The following DPP10 variants were observed in gnomAD, a reference collection of about 807,000 sequenced individuals.
DPP10 encodes dipeptidyl peptidase like 10, also known as inactive dipeptidyl peptidase 10.
In DPP10, 33 loss-of-function variants were observed where a neutral mutation model predicts 120.9. The observed-to-expected ratio is 0.27, with a 90% CI of 0.21 to 0.37. DPP10 has a LOEUF of 0.37. Ranked by LOEUF, DPP10 falls within the 10% of genes least tolerant of loss-of-function variation. DPP10 has a pLI of 1.00. For missense variants in DPP10, 816 were observed against 942.8 expected, an observed-to-expected ratio of 0.87 and a Z score of 1.76; for synonymous variants, 337 against 326.1, an observed-to-expected ratio of 1.03 and a Z score of -0.36.
intron 1 of DPP10, among the ~76,000 whole-genome samples, chr2:114,800,939 A>T (rs77314504): frequency 2.1e-3 from 40 of 19,100 alleles, no homozygotes; most frequent in Non-Finnish European, 2.4e-3. Context: ...AATGGGAATT[A>T]AAAAAAAAAA....
chr2:115,652,286 T>TA (rs2087855040), intron 5 of DPP10, among the ~76,000 whole-genome samples: 1 of 151,868 alleles, frequency 6.6e-6, no homozygotes, highest in African/African-American at 2.4e-5. Flanking sequence ...AATTATTTGG[T>TA]AAATGAAGTG....
intron 1 of DPP10, among the ~76,000 whole-genome samples, chr2:114,710,273 C>T (rs1186526572): frequency 6.6e-6 from 1 of 152,222 alleles, no homozygotes; most frequent in Non-Finnish European, 1.5e-5. Flanking sequence ...GCAATAGAGA[C>T]AATGAACCTG....
chr2:114,545,413 A>T (rs1687312073), intron 1 of DPP10, among the ~76,000 whole-genome samples: 1 of 152,142 alleles, frequency 6.6e-6, no homozygotes, highest in Admixed American at 6.5e-5. Context: ...CTGGCTTCCT[A>T]GTTCCTTACC....
At chr2:114,790,858 C>T (rs987990887) in intron 1 of DPP10, among the ~76,000 whole-genome samples, 2 of 152,208 alleles carry the variant, frequency 1.3e-5, no homozygotes, top group African/African-American at 4.8e-5. Flanking sequence ...TACTTCAGGC[C>T]ATCTGGGCGA....
intron 1 of DPP10, among the ~76,000 whole-genome samples, chr2:114,648,318 T>C (rs1221813363): frequency 2.0e-5 from 3 of 152,206 alleles, no homozygotes; most frequent in African/African-American, 4.8e-5. Context: ...GCAGGTTAAC[T>C]TGTTGGCTAG....
At chr2:115,377,005 T>C (rs941879285) in intron 3 of DPP10, among the ~76,000 whole-genome samples, 1 of 150,372 alleles carries the variant, frequency 6.7e-6, no homozygotes, top group Non-Finnish European at 1.5e-5. Context: ...AATGCCACAA[T>C]AAACATACAT....
At chr2:115,457,942 A>T (rs1284977106) in intron 3 of DPP10, among the ~76,000 whole-genome samples, 1 of 152,146 alleles carries the variant, frequency 6.6e-6, no homozygotes, top group Non-Finnish European at 1.5e-5. Context: ...ATAAAAATGT[A>T]TATATATACA....
chr2:115,476,070 T>G (rs1438590203), intron 3 of DPP10, among the ~76,000 whole-genome samples: 1 of 152,066 alleles, frequency 6.6e-6, no homozygotes, highest in African/African-American at 2.4e-5. Flanking sequence ...TATTTTGAAA[T>G]GTAAGAGAGC....
intron 1 of DPP10, among the ~76,000 whole-genome samples, chr2:115,001,020 G>A (rs1052048956): frequency 6.6e-6 from 1 of 152,146 alleles, no homozygotes; most frequent in Non-Finnish European, 1.5e-5. Context: ...CAACATTTGT[G>A]AGCAAGAAAA....
At chr2:114,920,070 G>T (rs1038671047) in intron 1 of DPP10, among the ~76,000 whole-genome samples, 1 of 152,036 alleles carries the variant, frequency 6.6e-6, no homozygotes, top group Non-Finnish European at 1.5e-5. Flanking sequence ...AACAGTCTTT[G>T]GCCCCTCCAC....
intron 3 of DPP10, among the ~76,000 whole-genome samples, chr2:115,442,267 A>T (rs769121207): frequency 6.6e-6 from 1 of 152,044 alleles, no homozygotes; most frequent in Non-Finnish European, 1.5e-5. Flanking sequence ...AGAGGATCAG[A>T]ATCTAATTCC....
intron 1 of DPP10, among the ~76,000 whole-genome samples, chr2:114,941,824 A>G (rs1317709675): frequency 6.6e-6 from 1 of 152,130 alleles, no homozygotes; most frequent in Admixed American, 6.6e-5. Flanking sequence ...CACACCTGTG[A>G]TGATCTCTAT....
intron 1 of DPP10, among the ~76,000 whole-genome samples, chr2:114,596,071 C>T (rs1349827036): frequency 6.6e-6 from 1 of 152,020 alleles, no homozygotes; most frequent in Non-Finnish European, 1.5e-5. Flanking sequence ...GAAAAAATCT[C>T]CTGAGTTGCC....
At chr2:115,502,070 A>G (rs2076710572) in intron 4 of DPP10, among the ~76,000 whole-genome samples, 2 of 152,212 alleles carry the variant, frequency 1.3e-5, no homozygotes, top group South Asian at 4.1e-4. Flanking sequence ...AAGACATATT[A>G]TGCTAAAATA....
intron 8 of DPP10, among the ~76,000 whole-genome samples, chr2:115,728,491 T>TA (rs902446345): frequency 6.6e-6 from 1 of 152,170 alleles, no homozygotes; most frequent in Non-Finnish European, 1.5e-5. Flanking sequence ...ATCCAGTTTT[T>TA]ATCACGTACC....
chr2:115,053,795 CA>C (rs1376033206), intron 1 of DPP10, among the ~76,000 whole-genome samples: 1 of 152,122 alleles, frequency 6.6e-6, no homozygotes, highest in African/African-American at 2.4e-5. Context: ...CATGTTAAAT[CA>C]GGTTTTCCCA....
chr2:115,442,349 C>T (rs1054603196), intron 3 of DPP10, among the ~76,000 whole-genome samples: 1 of 142,706 alleles, frequency 7.0e-6, no homozygotes, highest in Non-Finnish European at 1.5e-5. Flanking sequence ...AATATATTAT[C>T]TGTGTGTGTG....
At chr2:115,310,883 CTT>C (rs2061549290) in intron 2 of DPP10, among the ~76,000 whole-genome samples, 2 of 152,178 alleles carry the variant, frequency 1.3e-5, no homozygotes, top group South Asian at 4.1e-4. Flanking sequence ...CTCTTGAACT[CTT>C]TTTCTTTCAT....
At chr2:115,642,576 CCTCT>C (rs1260797384) in intron 5 of DPP10, among the ~76,000 whole-genome samples, 1 of 151,896 alleles carries the variant, frequency 6.6e-6, no homozygotes, top group Non-Finnish European at 1.5e-5. Flanking sequence ...TCCCAATCTT[CCTCT>C]CTCTCCTTCT....
Sources: allele counts gnomAD v4.1 joint callset (sites outside exome capture counted in the v4.1 genomes callset), GRCh38; gene constraint gnomAD v4.1.1; transcripts MANE v1.5; gene names NCBI Gene and HGNC (gene_info 2026-07-23, HGNC 2026-07-21).